Variants in PCNX1 observed in about 807,000 individuals in gnomAD.
PCNX1 encodes pecanex 1.
PCNX1 carries 78 observed loss-of-function variants against 242.2 expected under a neutral mutation model. The observed-to-expected ratio is 0.32, with a 90% CI of 0.27 to 0.39. PCNX1 has a LOEUF of 0.39. Among genes scored for constraint, PCNX1 ranks in the 10% least tolerant of loss-of-function variants. The pLI is 1.00. For missense variants in PCNX1, 2,581 were observed against 2,856.5 expected (o/e 0.90, Z 2.20); for synonymous variants, 1,024 against 1,032.9 (o/e 0.99, Z 0.17).
intron 28 of PCNX1, among the ~76,000 whole-genome samples, chr14:71,084,932 G>A (rs533422796): frequency 1.3e-5 from 2 of 152,262 alleles, no homozygotes; most frequent in South Asian, 4.1e-4. Flanking sequence ...TGCCCAAATG[G>A]CTGCCCAGTT....
intron 1 of PCNX1, among the ~76,000 whole-genome samples, chr14:70,940,180 A>G (rs1771307303): frequency 6.6e-6 from 1 of 152,140 alleles, no homozygotes; most frequent in African/African-American, 2.4e-5. Flanking sequence ...TTATGATGCT[A>G]GCTGGTTATT....
chr14:71,009,858 CATAA>C, intron 9 of PCNX1, 134 bp downstream of exon 9: 1 of 462,542 alleles, frequency 2.2e-6, no homozygotes, highest in East Asian at 3.2e-5. Context: ...AAATAAAAAT[CATAA>C]ATATTTATGG....
At chr14:71,069,444 T>TAAAATA (rs2061536807) in intron 26 of PCNX1, among the ~76,000 whole-genome samples, 1 of 152,238 alleles carries the variant, frequency 6.6e-6, no homozygotes, top group Non-Finnish European at 1.5e-5. Flanking sequence ...TTTCTATTAT[T>TAAAATA]GGTTTAAAAG....
chr14:71,091,937 T>C (rs529585471), intron 30 of PCNX1, among the ~76,000 whole-genome samples: 1 of 152,372 alleles, frequency 6.6e-6, no homozygotes, highest in Admixed American at 6.5e-5. Flanking sequence ...GTAAATTGTG[T>C]ATTTCAATAA....
intron 25 of PCNX1, among the ~76,000 whole-genome samples, chr14:71,055,892 CAT>C (rs763034567): frequency 1.3e-5 from 2 of 152,130 alleles, no homozygotes; most frequent in East Asian, 1.9e-4. Flanking sequence ...CAGACTGACA[CAT>C]GTTTTATTAG....
At chr14:71,079,976 G>A (rs2061812046) in intron 28 of PCNX1, among the ~76,000 whole-genome samples, 2 of 152,152 alleles carry the variant, frequency 1.3e-5, no homozygotes, top group Admixed American at 1.3e-4. Context: ...TATTGCCTAG[G>A]TTTTCTTCTA....
At chr14:71,033,610 A>T in intron 17 of PCNX1, 72 bp downstream of exon 17, 1 of 826,006 alleles carries the variant, frequency 1.2e-6, no homozygotes, top group Non-Finnish European at 2.0e-6. Context: ...ATACCTTTGA[A>T]GATCTCTTTT....
chr14:71,008,720 A>T (rs1186437032), intron 8 of PCNX1, among the ~76,000 whole-genome samples: 3 of 151,900 alleles, frequency 2.0e-5, no homozygotes, highest in Admixed American at 2.0e-4. Context: ...TCCAGCTAAT[A>T]AAAACCTCAT....
chr14:71,051,306 A>G (rs368208326), intron 23 of PCNX1, among the ~76,000 whole-genome samples: 1 of 152,082 alleles, frequency 6.6e-6, no homozygotes, highest in African/African-American at 2.4e-5. Flanking sequence ...TTTTGTAAGA[A>G]AGTAATGCTG....
chr14:71,109,646 C>T, intron 35 of PCNX1, 54 bp downstream of exon 35: 3 of 1,605,038 alleles, frequency 1.9e-6, no homozygotes, highest in South Asian at 1.1e-5. Flanking sequence ...TGAAGTCCGC[C>T]TCACTTGGAT....
chr14:71,031,057 GA>G (rs1399029572), intron 16 of PCNX1, among the ~76,000 whole-genome samples: 1 of 152,106 alleles, frequency 6.6e-6, no homozygotes, highest in African/African-American at 2.4e-5. Flanking sequence ...AAGTATACAA[GA>G]CTTTTTTCTT....
chr14:70,962,352 A>G (rs888528336), intron 3 of PCNX1, 21 bp downstream of exon 3: 3 of 1,453,026 alleles, frequency 2.1e-6, no homozygotes, highest in South Asian at 2.3e-5. Flanking sequence ...GCGCTGTTTT[A>G]TTTTGCCTTT....
rs1164977654 is a variant in PCNX1 at position 70,978,029 on chromosome 14, A to T, written c.1692A>T (p.Thr564=). Residue 564 remains threonine, a synonymous_variant, in exon 6 of 36, where the codon ACA becomes ACT. Transcript: ENST00000304743. The part of the protein sequence containing the change: ...ASAHKSGRRR[T]GKKRASSFDS... ...CCCACAAGTCAGGCAGGAGACGCAC[A>T]GGAAAAAAACGGGCTAGCAGTTTTG... 1.2e-6 allele frequency: 2 copies of T among 1,614,178 alleles called. No individual in the cohort carries two copies. The highest frequency in any genetic ancestry group is 2.7e-5 in the African/African-American group (2 of 75,034).
chr14:71,065,486 T>C (rs2141326636), intron 26 of PCNX1, among the ~76,000 whole-genome samples: 1 of 152,272 alleles, frequency 6.6e-6, no homozygotes, highest in South Asian at 2.1e-4. Context: ...TTCTTGTAGA[T>C]TTGTTTAAGT....
chr14:70,908,420 C>G (rs61988694), intron 1 of PCNX1, among the ~76,000 whole-genome samples: 4,721 of 152,224 alleles, frequency 0.031, 85 homozygotes, highest in East Asian at 0.079. Flanking sequence ...CGCCCGGCAT[C>G]CGGCACTGCC....
At chr14:70,953,279 GA>G (rs1251335863) in intron 2 of PCNX1, among the ~76,000 whole-genome samples, 5 of 151,966 alleles carry the variant, frequency 3.3e-5, no homozygotes, top group Non-Finnish European at 7.4e-5. Context: ...ACCCTGTCTT[GA>G]AAAAATTTGC....
intron 8 of PCNX1, among the ~76,000 whole-genome samples, chr14:71,008,389 G>A (rs2059724917): frequency 6.6e-6 from 1 of 152,088 alleles, no homozygotes; most frequent in Admixed American, 6.5e-5. Context: ...GGGCGCAGTG[G>A]CTCACGCCTG....
chr14:71,060,811 T>A (rs2061308294), intron 26 of PCNX1: 1 of 152,230 alleles, frequency 6.6e-6, no homozygotes, highest in South Asian at 2.1e-4. Context: ...AAGCATATTA[T>A]ACCTCTCAGC....
chr14:70,985,851 A>C (rs545005547), intron 6 of PCNX1, among the ~76,000 whole-genome samples: 1 of 152,150 alleles, frequency 6.6e-6, no homozygotes, highest in African/African-American at 2.4e-5. Context: ...AACTCCAAAA[A>C]CAGTTTTTAA....
Sources: gnomAD v4.1 joint callset for allele counts (sites outside exome capture counted in the v4.1 genomes callset) on GRCh38, gnomAD v4.1.1 for gene constraint, MANE v1.5 for transcripts, NCBI Gene and HGNC (gene_info 2026-07-23, HGNC 2026-07-21) for gene names.